The following NCKAP1 variants were observed in gnomAD, a reference collection of about 807,000 sequenced individuals.
NCKAP1 encodes the protein nck-associated protein 1.
NCKAP1 carries 21 observed loss-of-function variants against 151.2 expected under a neutral mutation model. The ratio of observed to expected loss-of-function variants is 0.14; its 90% CI spans 0.10 to 0.20. The LOEUF (loss-of-function observed/expected upper bound fraction) is 0.20, where lower values mean the gene tolerates loss of function less well. NCKAP1 is among the 10% of genes least tolerant of loss of function. The pLI, the probability that NCKAP1 is intolerant of heterozygous loss-of-function variation, is 1.00. For missense variants in NCKAP1, 933 were observed against 1,352.1 expected (o/e 0.69, Z 4.86); for synonymous variants, 484 against 451.8 (o/e 1.07, Z -0.90).
intron 23 of NCKAP1, 103 bp downstream of exon 23, chr2:182,952,302 T>C (rs1028123621): frequency 3.5e-5 from 24 of 680,860 alleles, no homozygotes; most frequent in Middle Eastern, 4.3e-4. Flanking sequence ...AGTACTTTCA[T>C]GTTGGATTAA....
At chr2:182,969,803 T>TA (rs1697649419) in intron 15 of NCKAP1, among the ~76,000 whole-genome samples, 1 of 151,102 alleles carries the variant, frequency 6.6e-6, no homozygotes, top group Non-Finnish European at 1.5e-5. Flanking sequence ...GGAGCAGAAA[T>TA]AAAGAAAATT....
At chr2:183,001,806 G>C in intron 6 of NCKAP1, 147 bp downstream of exon 6, 1 of 651,960 alleles carries the variant, frequency 1.5e-6, no homozygotes, top group Non-Finnish European at 2.7e-6. Context: ...TTAGTTCCCT[G>C]TCTATAATTA....
chr2:183,003,172 CAATT>C, intron 3 of NCKAP1, 57 bp downstream of exon 3: 1 of 1,261,166 alleles, frequency 7.9e-7, no homozygotes, highest in Non-Finnish European at 1.1e-6. Context: ...GCAATTCACA[CAATT>C]AATAAACATT....
chr2:182,955,093 G>C (rs780191381), intron 20 of NCKAP1, among the ~76,000 whole-genome samples: 16 of 152,106 alleles, frequency 1.1e-4, no homozygotes, highest in Non-Finnish European at 1.0e-4. Flanking sequence ...ACTTACTAAG[G>C]AGAACAAAAG....
At position 182,922,716 on chromosome 2, in the gene NCKAP1, C is replaced by G. The variant is rs1390664552; in HGVS notation, c.*2986G>C. 1 of 152,554 alleles carries G rather than the reference C, an allele frequency of 6.6e-6. No individual in the cohort carries two copies. The highest frequency in any genetic ancestry group is 2.4e-5 in the African/African-American group (1 of 41,584). 9.5% of individuals were successfully genotyped at this position (152,554 alleles called of 1,614,324 possible). A position where few individuals can be genotyped will look rare whatever the true frequency, so the allele number is the denominator to read the frequency against. ...ATCCTGTATACTTTCCAGTCACCAT[C>G]AGAAGTTTGCTCATGGCTGGGCGTG... On this transcript the variant is annotated 3_prime_UTR_variant, in exon 31 of 31. Transcript: ENST00000361354.
rs958654206 is a variant in NCKAP1, at chr2:182,912,517, G to A, written c.*13185C>T. 1 of 152,128 alleles carries A rather than the reference G, an allele frequency of 6.6e-6. No individual in the cohort carries two copies. Among genetic ancestry groups the A allele is most frequent in the African/African-American group, 2.4e-5 (1 of 41,430 alleles). The allele number at this position is 152,128 out of a possible 1,614,324, so 9.4% of individuals were successfully genotyped here. A position where few individuals can be genotyped will look rare whatever the true frequency, so the allele number is the denominator to read the frequency against. ...CTGTAAAAATTATATATTCAGAAAG[G>A]CATTTTTCTCAGCAAAAGGGAAAAA... On this transcript the variant is annotated 3_prime_UTR_variant, in exon 31 of 31. Transcript: ENST00000361354.
chr2:182,979,959 T>C (rs1358497701), intron 13 of NCKAP1, among the ~76,000 whole-genome samples: 2 of 152,150 alleles, frequency 1.3e-5, no homozygotes, highest in African/African-American at 4.8e-5. Context: ...TTGCTGCTGA[T>C]ACTATACTAT....
intron 20 of NCKAP1, among the ~76,000 whole-genome samples, chr2:182,954,751 A>G (rs1372724436): frequency 6.6e-6 from 1 of 152,150 alleles, no homozygotes; most frequent in Non-Finnish European, 1.5e-5. Context: ...GTGCCACTGC[A>G]CTCCAGCCTG....
At position 182,916,333 on chromosome 2, in the gene NCKAP1, T is replaced by C. The variant is rs889395672; in HGVS notation, c.*9369A>G. On this transcript the variant is annotated 3_prime_UTR_variant, in exon 31 of 31. Transcript: ENST00000361354. The stretch of plus-strand genomic sequence containing the variant: ...ATGAAGCTAAGGGCATCTGTACCAA[T>C]GGAGGTCTGTAGCATCTGTCCAGCC... 2.6e-5 allele frequency: 4 copies of C among 152,062 alleles called. No individual in the cohort carries two copies. The highest frequency in any genetic ancestry group is 2.1e-4 in the South Asian group (1 of 4,824). 9.4% of individuals were successfully genotyped at this position (152,062 alleles called of 1,614,324 possible).
rs776989742 is a variant in NCKAP1 at position 182,935,268 on chromosome 2, G to A, written c.2778+25C>T. On this transcript the variant is annotated intron_variant, in intron 25 of 30. Coordinates refer to ENST00000361354, the MANE Select transcript of NCKAP1 (RefSeq NM_013436.5). ...TTAAAAGGGATTGTTTGGATACCGA[G>A]TATATACTTGTAATGGTTTCTTACA... The A allele has an allele frequency of 2.2e-5, 31 of 1,437,516 alleles. No homozygotes were observed. The East Asian group carries it at 7.2e-4, about 33-fold the overall frequency. 89.0% of individuals were successfully genotyped at this position (1,437,516 alleles called of 1,614,324 possible).
chr2:182,959,393 C>T (rs913846879), intron 18 of NCKAP1, among the ~76,000 whole-genome samples: 22 of 152,132 alleles, frequency 1.4e-4, no homozygotes, highest in African/African-American at 5.3e-4. Context: ...AGGACTCCCA[C>T]AAGCCGGGCT....
intron 6 of NCKAP1, among the ~76,000 whole-genome samples, chr2:182,998,116 A>G (rs1248601582): frequency 6.6e-6 from 1 of 152,218 alleles, no homozygotes; most frequent in Non-Finnish European, 1.5e-5. Context: ...AGCATTCGAT[A>G]AAATCCAATA....
At chr2:182,980,608 C>CA (rs1357077569) in intron 13 of NCKAP1, among the ~76,000 whole-genome samples, 2 of 151,158 alleles carry the variant, frequency 1.3e-5, no homozygotes, top group African/African-American at 2.4e-5. Context: ...TTATGGAAAG[C>CA]AAAAAAAGGC....
At chr2:183,016,825 G>A (rs913854104) in intron 2 of NCKAP1, among the ~76,000 whole-genome samples, 1 of 152,160 alleles carries the variant, frequency 6.6e-6, no homozygotes, top group Non-Finnish European at 1.5e-5. Context: ...GAAAGTAGGA[G>A]AGATTGGATG....
intron 2 of NCKAP1, among the ~76,000 whole-genome samples, chr2:183,012,327 G>GA (rs1167405499): frequency 6.6e-6 from 1 of 152,154 alleles, no homozygotes; most frequent in African/African-American, 2.4e-5. Flanking sequence ...AGGTACCCAT[G>GA]AATGATTTTT....
intron 24 of NCKAP1, among the ~76,000 whole-genome samples, chr2:182,937,819 T>G (rs78986324): frequency 0.014 from 2,113 of 152,256 alleles, 64 homozygotes; most frequent in African/African-American, 0.048. Context: ...AGTTTTCCAG[T>G]GTGAGTCAAT....
At chr2:183,028,826 A>G (rs1698948676) in intron 1 of NCKAP1, among the ~76,000 whole-genome samples, 1 of 152,168 alleles carries the variant, frequency 6.6e-6, no homozygotes, top group Non-Finnish European at 1.5e-5. Flanking sequence ...CATAAAAACA[A>G]TTCTAGGCTG....
chr2:182,981,983 T>C (rs1384374696), intron 12 of NCKAP1, among the ~76,000 whole-genome samples: 1 of 149,270 alleles, frequency 6.7e-6, no homozygotes, highest in Non-Finnish European at 1.5e-5. Context: ...TCAAAAAATC[T>C]CAAATAAAAG....
Position 182,956,646 on chromosome 2 carries a change from C to T in NCKAP1, c.2022-53G>A, listed in dbSNP as rs1466657697. On this transcript the variant is annotated intron_variant, in intron 19 of 30. Coordinates refer to ENST00000361354, the MANE Select transcript of NCKAP1 (RefSeq NM_013436.5). ...TGTTCACATGTCATCACAGGCAATA[C>T]AAAATTAATTTTATAAATATATCAA... The T allele has an allele frequency of 6.6e-6, 10 of 1,518,068 alleles. No individual in the cohort carries two copies. In the East Asian group the frequency reaches 9.3e-5, roughly 14 times the overall value. 94.0% of individuals were successfully genotyped at this position (1,518,068 alleles called of 1,614,324 possible). A position where few individuals can be genotyped will look rare whatever the true frequency, so the allele number is the denominator to read the frequency against.
Sources: gnomAD v4.1 joint callset for allele counts (sites outside exome capture counted in the v4.1 genomes callset) on GRCh38, gnomAD v4.1.1 for gene constraint, MANE v1.5 for transcripts, NCBI Gene and HGNC (gene_info 2026-07-23, HGNC 2026-07-21) for gene names.